The following SH3RF3 variants were observed in gnomAD, a reference collection of about 807,000 sequenced individuals.
SH3RF3 encodes SH3 domain containing ring finger 3, also known as E3 ubiquitin-protein ligase SH3RF3.
A neutral mutation model predicts 66.3 loss-of-function variants in SH3RF3; 29 were observed. The ratio of observed to expected loss-of-function variants is 0.44; its 90% CI spans 0.33 to 0.60. The LOEUF (loss-of-function observed/expected upper bound fraction) is 0.60, where lower values mean the gene tolerates loss of function less well. Ranked by LOEUF, SH3RF3 falls within the 20% of genes least tolerant of loss-of-function variation. SH3RF3 has a pLI of 0.04. For missense variants in SH3RF3, 1,194 were observed against 1,190.9 expected (o/e 1.00, Z -0.04); for synonymous variants, 583 against 532.0 (o/e 1.10, Z -1.32).
chr2:109,220,402 A>G (rs1679202459), intron 1 of SH3RF3, among the ~76,000 whole-genome samples: 1 of 152,238 alleles, frequency 6.6e-6, no homozygotes, highest in South Asian at 2.1e-4. Context: ...AAGCACAGGC[A>G]ATACAAGAAA....
At chr2:109,267,624 G>A (rs1048585701) in intron 1 of SH3RF3, among the ~76,000 whole-genome samples, 8 of 152,168 alleles carry the variant, frequency 5.3e-5, no homozygotes, top group African/African-American at 1.9e-4. Flanking sequence ...AGGGAGGGCC[G>A]GGAGCCAGGG....
At chr2:109,463,094 T>C (rs995067730) in intron 8 of SH3RF3, among the ~76,000 whole-genome samples, 4 of 152,328 alleles carry the variant, frequency 2.6e-5, no homozygotes, top group Non-Finnish European at 5.9e-5. Flanking sequence ...ATTCTGAGTC[T>C]GTAAAGTAGC....
intron 2 of SH3RF3, among the ~76,000 whole-genome samples, chr2:109,355,880 AGC>A (rs1682936607): frequency 6.6e-6 from 1 of 152,340 alleles, no homozygotes; most frequent in Admixed American, 6.5e-5. Context: ...TCCTTCTGAA[AGC>A]AATGGCTCCA....
At position 109,350,358 on chromosome 2, in the gene SH3RF3, G is replaced by T. The variant is rs951734829; in HGVS notation, c.849+2409G>T. On this transcript the variant is annotated intron_variant, in intron 2 of 9. Coordinates refer to ENST00000309415, the MANE Select transcript of SH3RF3 (RefSeq NM_001099289.3). ...GACGGCTCCCACAGCAGACAAGGGG[G>T]AAGTGTCATATCACAGATTCTTTGT... Among the ~76,000 whole-genome samples the T allele has an allele frequency of 3.3e-5, 5 of 152,190 alleles. No homozygotes were observed. The South Asian group carries it at 8.3e-4, about 25-fold the overall frequency.
intron 1 of SH3RF3, among the ~76,000 whole-genome samples, chr2:109,307,145 T>C (rs1421094676): frequency 2.0e-5 from 3 of 152,364 alleles, no homozygotes; most frequent in African/African-American, 7.2e-5. Context: ...AAAGTACCTG[T>C]TGTACTCTTC....
At chr2:109,445,022 T>G (rs953481316) in intron 7 of SH3RF3, among the ~76,000 whole-genome samples, 2 of 152,038 alleles carry the variant, frequency 1.3e-5, no homozygotes, top group Admixed American at 6.6e-5. Context: ...AATTTGAAAT[T>G]TTGGAGAGGA....
intron 5 of SH3RF3, among the ~76,000 whole-genome samples, chr2:109,431,621 C>T (rs1048711408): frequency 1.3e-5 from 2 of 152,172 alleles, no homozygotes; most frequent in Admixed American, 1.3e-4. Context: ...GGTGTAATCC[C>T]AGCACTTTGG....
intron 1 of SH3RF3, among the ~76,000 whole-genome samples, chr2:109,340,860 A>C (rs1395226592): frequency 1.3e-5 from 2 of 152,190 alleles, no homozygotes; most frequent in African/African-American, 4.8e-5. Flanking sequence ...CTTTGATGCA[A>C]CAGGGAAACA....
intron 4 of SH3RF3, among the ~76,000 whole-genome samples, chr2:109,402,603 C>T (rs1676345033): frequency 6.6e-6 from 1 of 152,254 alleles, no homozygotes; most frequent in Admixed American, 6.5e-5. Context: ...AGTCCCCTGC[C>T]TCTCACAGTC....
At position 109,325,268 on chromosome 2, in the gene SH3RF3, C is replaced by T. The variant is rs1005148273; in HGVS notation, c.574-22406C>T. 4.7e-5 allele frequency among the ~76,000 whole-genome samples: 7 copies of T among 149,914 alleles called. No homozygotes were observed. In the East Asian group the frequency reaches 9.8e-4, roughly 21 times the overall value. On this transcript the variant is annotated intron_variant, in intron 1 of 9. Transcript: ENST00000309415. The stretch of plus-strand genomic sequence containing the variant: ...GTTTACACAGAGTAAGCCAAGAAAT[C>T]GTAGAATCCCAGGAGTCATTGGATT...
At chr2:109,323,683 C>T (rs951019642) in intron 1 of SH3RF3, among the ~76,000 whole-genome samples, 4 of 152,144 alleles carry the variant, frequency 2.6e-5, no homozygotes, top group Non-Finnish European at 4.4e-5. Context: ...GCCTGTGCCT[C>T]GAGGAGATAA....
intron 8 of SH3RF3, among the ~76,000 whole-genome samples, chr2:109,474,670 CG>C (rs1490217573): frequency 6.6e-6 from 1 of 152,230 alleles, no homozygotes; most frequent in Non-Finnish European, 1.5e-5. Context: ...TGGACAGCAT[CG>C]GGCCAGCCCC....
At chr2:109,364,980 A>G (rs1002977055) in intron 2 of SH3RF3, among the ~76,000 whole-genome samples, 20 of 152,176 alleles carry the variant, frequency 1.3e-4, no homozygotes, top group Admixed American at 8.5e-4. Context: ...AATCCCAGCT[A>G]CTTAGGAGAC....
chr2:109,475,365 C>A (rs899504938), intron 8 of SH3RF3, among the ~76,000 whole-genome samples: 1 of 152,256 alleles, frequency 6.6e-6, no homozygotes, highest in Non-Finnish European at 1.5e-5. Flanking sequence ...TGCTCCAAAG[C>A]AAACCCACGC....
At chr2:109,266,973 A>C (rs913818949) in intron 1 of SH3RF3, among the ~76,000 whole-genome samples, 2 of 152,200 alleles carry the variant, frequency 1.3e-5, no homozygotes, top group Non-Finnish European at 2.9e-5. Context: ...GCAGTTCTTA[A>C]TTTGCAAATC....
At chr2:109,217,705 G>A (rs1679132461) in intron 1 of SH3RF3, among the ~76,000 whole-genome samples, 1 of 152,212 alleles carries the variant, frequency 6.6e-6, no homozygotes, top group Admixed American at 6.5e-5. Context: ...AGACCTTTTT[G>A]GGGGAGGGTG....
chr2:109,377,138 G>C (rs147418718), intron 3 of SH3RF3, among the ~76,000 whole-genome samples: 41 of 152,310 alleles, frequency 2.7e-4, no homozygotes, highest in African/African-American at 9.1e-4. Context: ...GTTTATTCTT[G>C]GCGTTTCCCA....
chr2:109,462,617 A>C (rs1678235791), intron 8 of SH3RF3, among the ~76,000 whole-genome samples: 1 of 152,122 alleles, frequency 6.6e-6, no homozygotes, highest in African/African-American at 2.4e-5. Context: ...CTTTTATTTT[A>C]CCATTTTCTG....
intron 8 of SH3RF3, among the ~76,000 whole-genome samples, chr2:109,473,859 C>T (rs1424917170): frequency 6.6e-6 from 1 of 152,008 alleles, no homozygotes; most frequent in African/African-American, 2.4e-5. Flanking sequence ...CTGAACCGCT[C>T]TCCTTGTGCC....
Sources: gnomAD v4.1 joint callset for allele counts (sites outside exome capture counted in the v4.1 genomes callset) on GRCh38, gnomAD v4.1.1 for gene constraint, MANE v1.5 for transcripts, NCBI Gene and HGNC (gene_info 2026-07-23, HGNC 2026-07-21) for gene names.